Variants in TTC7B observed in about 807,000 individuals in gnomAD.
TTC7B encodes tetratricopeptide repeat protein 7B.
TTC7B carries 28 observed loss-of-function variants against 106.8 expected under a neutral mutation model. That is an observed-to-expected ratio of 0.26 (90% CI 0.19 to 0.36). The LOEUF is 0.36. Among genes scored for constraint, TTC7B ranks in the 10% least tolerant of loss-of-function variants. The pLI, the probability that TTC7B is intolerant of heterozygous loss-of-function variation, is 1.00. For synonymous variants in TTC7B, 405 were observed against 430.6 expected, an observed-to-expected ratio of 0.94 and a Z score of 0.74; for missense variants, 862 against 1,076.4, an observed-to-expected ratio of 0.80 and a Z score of 2.79.
chr14:90,590,505 T>C (rs1050781882), intron 18 of TTC7B, among the ~76,000 whole-genome samples: 1 of 152,176 alleles, frequency 6.6e-6, no homozygotes, highest in Non-Finnish European at 1.5e-5. Context: ...GCTTTGGGTG[T>C]CAGGCCTTGA....
chr14:90,580,948 G>A (rs572534358), intron 18 of TTC7B, among the ~76,000 whole-genome samples: 50 of 152,316 alleles, frequency 3.3e-4, no homozygotes, highest in African/African-American at 1.1e-3. Context: ...TGGCGATGCT[G>A]CTGACCTTTG....
In TTC7B at chr14:90,575,589, A is replaced by AG. The variant is rs1178023583; in HGVS notation, c.2310+2516dup. Among the ~76,000 whole-genome samples the AG allele has an allele frequency of 6.6e-6, 1 of 152,036 alleles. No individual in the cohort carries two copies. Among genetic ancestry groups the AG allele is most frequent in the Admixed American group, 6.5e-5 (1 of 15,276 alleles). On this transcript the variant is annotated intron_variant, in intron 19 of 19. Coordinates refer to ENST00000328459, the MANE Select transcript of TTC7B (RefSeq NM_001010854.2). This position sits in a 1 kb window ranked among gnomAD's most constrained non-coding sequence, Gnocchi z 5.2. ...CAGAGGGTCCTGCAGCACCAGTGGG[A>AG]GGGGGGCCTGCCCTTGGCTGCATGG...
rs1185818895 is a variant in TTC7B, at chr14:90,676,568, G to T, written c.1107C>A (p.Leu369=). The T allele has an allele frequency of 6.2e-7, 1 of 1,614,154 alleles. No individual in the cohort carries two copies. Among genetic ancestry groups the T allele is most frequent in the South Asian group, 1.1e-5 (1 of 91,078 alleles). Reference sequence around the variant, plus strand: ...GGCCTCTTCTTCCAAGAGCAATGGTGAGTAAGTCATAGACCACAGATGCAC... The same window carrying T: ...GGCCTCTTCTTCCAAGAGCAATGGTTAGTAAGTCATAGACCACAGATGCAC... ...LQSASVVYDL[L]TIALGRRGQY... The change falls in exon 9 of 20, where the codon CTC becomes CTA. Residue 369 remains leucine, a synonymous_variant. Transcript: ENST00000328459.
At chr14:90,629,279 T>C (rs1229796335) in intron 15 of TTC7B, among the ~76,000 whole-genome samples, 3 of 152,208 alleles carry the variant, frequency 2.0e-5, no homozygotes, top group African/African-American at 7.2e-5. Flanking sequence ...AAACTTTCCT[T>C]ACTTTAAAAT....
intron 19 of TTC7B, among the ~76,000 whole-genome samples, chr14:90,565,692 G>A (rs1214235160): frequency 3.3e-5 from 5 of 152,050 alleles, no homozygotes; most frequent in Admixed American, 6.6e-5. Flanking sequence ...GAGCCACCGC[G>A]CCTGGCCAAT....
intron 18 of TTC7B, among the ~76,000 whole-genome samples, chr14:90,591,588 AG>A (rs1367911350): frequency 3.9e-5 from 6 of 152,318 alleles, no homozygotes; most frequent in African/African-American, 1.4e-4. Context: ...CTTCGAGGTC[AG>A]GGGGGCTAGT....
Position 90,742,351 on chromosome 14 carries a change from T to C in TTC7B, c.576+2441A>G. ...CTCTCTCTCTCTTTCTCTCTTCCTT[T>C]CTTTCTTCATTTGTAGAGACAAGGT... On this transcript the variant is annotated intron_variant, in intron 4 of 19. Transcript: ENST00000328459. The surrounding 1 kb of genome is among the most constrained non-coding windows in gnomAD (Gnocchi z 4.1). Among the ~76,000 whole-genome samples the C allele has an allele frequency of 6.6e-6, 1 of 151,018 alleles. No individual in the cohort carries two copies. Among genetic ancestry groups the C allele is most frequent in the South Asian group, 2.1e-4 (1 of 4,760 alleles).
chr14:90,727,458 C>T (rs997091652), intron 5 of TTC7B, among the ~76,000 whole-genome samples: 1 of 152,228 alleles, frequency 6.6e-6, no homozygotes, highest in Non-Finnish European at 1.5e-5. Flanking sequence ...GGAGCGGCAA[C>T]GCTGTGAGGA....
In TTC7B at chr14:90,805,252, A is replaced by G. The variant is rs915234027; in HGVS notation, c.121+10923T>C. Among the ~76,000 whole-genome samples, 2 of 152,152 alleles carry G rather than the reference A, an allele frequency of 1.3e-5. No homozygotes were observed. The highest frequency in any genetic ancestry group is 1.3e-4 in the Admixed American group (2 of 15,278). ...AAGAGCTCGATGAGTAATGAATCTA[A>G]GTAAACTCCTCAAGGGCAGAGGCCA... is the stretch of plus-strand genomic sequence containing the variant. On this transcript the variant is annotated intron_variant, in intron 1 of 19. Coordinates refer to ENST00000328459, the MANE Select transcript of TTC7B (RefSeq NM_001010854.2). This position sits in a 1 kb window ranked among gnomAD's most constrained non-coding sequence, Gnocchi z 4.0.
At chr14:90,729,116 G>A in intron 5 of TTC7B, among the ~76,000 whole-genome samples, 1 of 152,176 alleles carries the variant, frequency 6.6e-6, no homozygotes, top group East Asian at 1.9e-4. Flanking sequence ...GAGGCCTCTG[G>A]ACCAAAGCAG....
In TTC7B at chr14:90,676,248, C is replaced by G. The variant is rs113267340; in HGVS notation, c.1152+275G>C. On this transcript the variant is annotated intron_variant, in intron 9 of 19. Transcript: ENST00000328459. Reference sequence around the variant, plus strand: ...GATTTTCAGTTGGTGGAAAGAGAAACTGCTTGAGAAATGTTTGCCTTCCCT... The same window carrying G: ...GATTTTCAGTTGGTGGAAAGAGAAAGTGCTTGAGAAATGTTTGCCTTCCCT... The G allele has an allele frequency of 4.1e-3, 511 of 125,460 alleles. 3 individuals are homozygous for G. The highest frequency in any genetic ancestry group is 0.026 in the African/African-American group (477 of 18,168). 7.8% of individuals were successfully genotyped at this position (125,460 alleles called of 1,614,324 possible). A position where few individuals can be genotyped will look rare whatever the true frequency, so the allele number is the denominator to read the frequency against.
intron 6 of TTC7B, among the ~76,000 whole-genome samples, chr14:90,694,695 A>AATATATTTTATTTTATTATAAAATAG (rs1887619357): frequency 7.1e-6 from 1 of 141,712 alleles, no homozygotes; most frequent in East Asian, 2.0e-4. Flanking sequence ...TTTATTATAA[A>AATATATTTTATTTTATTATAAAATAG]ATATATTTTA....
intron 15 of TTC7B, among the ~76,000 whole-genome samples, chr14:90,639,319 T>C (rs1180405650): frequency 6.6e-6 from 1 of 152,096 alleles, no homozygotes; most frequent in African/African-American, 2.4e-5. Flanking sequence ...AGAAAAAGAC[T>C]TGTAACCAAA....
chr14:90,733,321 G>A (rs1227792884), intron 4 of TTC7B, among the ~76,000 whole-genome samples: 2 of 151,982 alleles, frequency 1.3e-5, no homozygotes. Context: ...GAGCGGTGGA[G>A]CTGGTGCAGA....
chr14:90,541,635 C>A (rs1332995996), intron 19 of TTC7B, 46 bp from the exon 20 acceptor site: 1 of 1,450,768 alleles, frequency 6.9e-7, no homozygotes. Context: ...ATGGAGGCTT[C>A]AGGAGCTCTG....
In TTC7B at chr14:90,570,276, T is replaced by C. The variant is rs943082625; in HGVS notation, c.2310+7830A>G. Among the ~76,000 whole-genome samples, 2 of 152,218 alleles carry C rather than the reference T, an allele frequency of 1.3e-5. No individual in the cohort carries two copies. Among genetic ancestry groups the C allele is most frequent in the African/African-American group, 4.8e-5 (2 of 41,464 alleles). ...GTGATCTCATGTCAAATCACATGGC[T>C]GCATCATCCAATCCTGCCTCGAAGT... On this transcript the variant is annotated intron_variant, in intron 19 of 19. Transcript: ENST00000328459. This position sits in a 1 kb window ranked among gnomAD's most constrained non-coding sequence, Gnocchi z 4.0.
At chr14:90,581,367 G>A (rs2139808907) in intron 18 of TTC7B, among the ~76,000 whole-genome samples, 1 of 152,290 alleles carries the variant, frequency 6.6e-6, no homozygotes, top group African/African-American at 2.4e-5. Context: ...CTTTAGTTTG[G>A]ACCAGGCAAA....
At chr14:90,733,045 C>G (rs1018171078) in intron 4 of TTC7B, among the ~76,000 whole-genome samples, 1 of 152,150 alleles carries the variant, frequency 6.6e-6, no homozygotes, top group Admixed American at 6.5e-5. Context: ...AAGTCAGAGG[C>G]CACGCCTATT....
chr14:90,631,183 C>T (rs1408082462), intron 15 of TTC7B, among the ~76,000 whole-genome samples: 1 of 152,100 alleles, frequency 6.6e-6, no homozygotes, highest in Admixed American at 6.5e-5. Flanking sequence ...TATGTGTAAA[C>T]CTCATTTTGT....
Sources: gnomAD v4.1 joint callset for allele counts (sites outside exome capture counted in the v4.1 genomes callset) on GRCh38, gnomAD v4.1.1 for gene constraint, Gnocchi (gnomAD v3.1) non-coding constraint, MANE v1.5 for transcripts, NCBI Gene and HGNC (gene_info 2026-07-23, HGNC 2026-07-21) for gene names.